The following ETFBKMT variants were observed in gnomAD, a reference collection of about 807,000 sequenced individuals.
ETFBKMT encodes electron transfer flavoprotein subunit beta lysine methyltransferase.
In ETFBKMT, 13 loss-of-function variants were observed where a neutral mutation model predicts 18.3. The ratio of observed to expected loss-of-function variants is 0.71; its 90% CI spans 0.46 to 1.13. ETFBKMT has a LOEUF of 1.13. ETFBKMT is among the 50% of genes most tolerant of loss of function. The pLI, the probability that ETFBKMT is intolerant of heterozygous loss-of-function variation, is 0.00. For missense variants in ETFBKMT, 293 were observed against 306.2 expected, an observed-to-expected ratio of 0.96 and a Z score of 0.32; for synonymous variants, 84 against 107.9, an observed-to-expected ratio of 0.78 and a Z score of 1.37.
chr12:31,661,297 G>T (rs987567339), intron 1 of ETFBKMT, among the ~76,000 whole-genome samples: 6 of 152,114 alleles, frequency 3.9e-5, no homozygotes, highest in Admixed American at 3.9e-4. Flanking sequence ...TTTTCTTGAG[G>T]ATTCTTTCAA....
At position 31,662,280 on chromosome 12, in the gene ETFBKMT, T is replaced by C; in HGVS notation, c.314+13T>C. The C allele has an allele frequency of 6.2e-7, 1 of 1,612,118 alleles. No individual in the cohort carries two copies. Among genetic ancestry groups the C allele is most frequent in the Non-Finnish European group, 8.5e-7 (1 of 1,178,796 alleles). Reference sequence around the variant, plus strand: ...AAGCCCTGTCTAGGTACTACCCTAATGAAACCTTTAAGGCGCTACAGATCT... The same window carrying C: ...AAGCCCTGTCTAGGTACTACCCTAACGAAACCTTTAAGGCGCTACAGATCT... On this transcript the variant is annotated intron_variant, in intron 2 of 3. Transcript: ENST00000357721.
At chr12:31,648,557 CTTTTTTTTTT>C (rs764501978) in intron 1 of ETFBKMT, among the ~76,000 whole-genome samples, 3 of 82,988 alleles carry the variant, frequency 3.6e-5, no homozygotes, top group African/African-American at 1.1e-4. Context: ...AGATGGGTTT[CTTTTTTTTTT>C]TTTTTTTTTT....
chr12:31,665,556 A>C (rs1162424081), intron 2 of ETFBKMT, among the ~76,000 whole-genome samples: 1 of 152,030 alleles, frequency 6.6e-6, no homozygotes, highest in Non-Finnish European at 1.5e-5. Context: ...GGGAGACCCT[A>C]ACCCAGTGAC....
Position 31,661,782 on chromosome 12 carries a change from G to T in ETFBKMT, c.-113-59G>T, listed in dbSNP as rs560113000. 2.5e-5 allele frequency: 16 copies of T among 648,790 alleles called. No homozygotes were observed. The South Asian group carries it at 2.8e-4, about 11-fold the overall frequency. The allele number at this position is 648,790 out of a possible 1,614,324, so 40.2% of individuals were successfully genotyped here. ...CCAATATTTTCTTATTATGTAATAG[G>T]ATCTAGAAATGTTGCTCTTCCTCAG... is the stretch of plus-strand genomic sequence containing the variant. On this transcript the variant is annotated intron_variant, in intron 1 of 3. Transcript: ENST00000357721.
At chr12:31,663,993 A>G (rs1951162946) in intron 2 of ETFBKMT, among the ~76,000 whole-genome samples, 1 of 148,370 alleles carries the variant, frequency 6.7e-6, no homozygotes, top group African/African-American at 2.5e-5. Context: ...CTCATTGCTT[A>G]CTCCCGTATC....
Position 31,667,684 on chromosome 12 carries a change from C to G in ETFBKMT, c.483C>G (p.Asn161Lys), listed in dbSNP as rs748689531. The change falls in exon 4 of 4, where the codon AAC becomes AAG. Residue 161 changes from asparagine (N) to lysine (K), a missense_variant. Transcript: ENST00000357721. ...CTATTACACTAAATTGTGAATTGAACAGACTGAATCCTTTTCCTATTTTAA... is the reference window on the plus strand; with the variant it reads ...CTATTACACTAAATTGTGAATTGAAGAGACTGAATCCTTTTCCTATTTTAA... ...GMAITLNCEL[N>K]RLNPFPILIQ... is the part of the protein sequence containing the mutation. 2 of 1,611,712 alleles carry G rather than the reference C, an allele frequency of 1.2e-6. No homozygotes were observed. The highest frequency in any genetic ancestry group is 2.2e-5 in the South Asian group (2 of 90,960).
upstream of ETFBKMT, among the ~76,000 whole-genome samples, chr12:31,656,031 G>A (rs1413139388): frequency 1.3e-5 from 2 of 152,160 alleles, no homozygotes; most frequent in African/African-American, 4.8e-5. Context: ...TGTAATGTTT[G>A]TTATTTTACT....
At chr12:31,662,347 G>A in intron 2 of ETFBKMT, 80 bp downstream of exon 2, 2 of 1,348,116 alleles carry the variant, frequency 1.5e-6, no homozygotes, top group Non-Finnish European at 2.0e-6. Flanking sequence ...AAAAACCAGA[G>A]CAATGCTAGG....
At chr12:31,648,850 C>T (rs1411469847) in intron 1 of ETFBKMT, among the ~76,000 whole-genome samples, 12 of 152,100 alleles carry the variant, frequency 7.9e-5, no homozygotes, top group Middle Eastern at 3.4e-3. Flanking sequence ...CGTGAGCCAC[C>T]GCGCCCAGCC....
intron 2 of ETFBKMT, among the ~76,000 whole-genome samples, chr12:31,664,920 A>G (rs1445137379): frequency 1.5e-5 from 2 of 133,654 alleles, no homozygotes; most frequent in South Asian, 4.7e-4. Context: ...GGCCATTTAT[A>G]CATTTCTTTT....
At position 31,661,978 on chromosome 12, in the gene ETFBKMT, G is replaced by T. The variant is rs1232640786; in HGVS notation, c.25G>T (p.Ala9Ser). MALSLGWK[A>S]HRNHCGLLLQ... is the part of the protein sequence containing the mutation. ...GATGGCTTTGAGTCTAGGTTGGAAA[G>T]CACACAGGAACCACTGTGGTCTCCT... The change falls in exon 2 of 4, where the codon GCA (alanine) becomes TCA (serine). Residue 9 changes from alanine to serine, a missense_variant. Coordinates refer to ENST00000357721, the MANE Select transcript of ETFBKMT (RefSeq NM_001135863.2). 6.2e-7 allele frequency: 1 copy of T among 1,613,960 alleles called. No individual in the cohort carries two copies. The highest frequency in any genetic ancestry group is 8.5e-7 in the Non-Finnish European group (1 of 1,179,970).
At chr12:31,661,805 C>A in intron 1 of ETFBKMT, 36 bp from the exon 2 acceptor site, 1 of 724,278 alleles carries the variant, frequency 1.4e-6, no homozygotes, top group Admixed American at 2.7e-5. Context: ...TGCTCTTCCT[C>A]AGAATTCTCA....
At position 31,669,742 on chromosome 12, in the gene ETFBKMT, GA is replaced by G. The variant is rs1252974097; in HGVS notation, c.*1754del. The G allele has an allele frequency of 1.3e-5, 2 of 151,924 alleles. No individual in the cohort carries two copies. Among genetic ancestry groups the G allele is most frequent in the African/African-American group, 2.4e-5 (1 of 41,362 alleles). 9.4% of individuals were successfully genotyped at this position (151,924 alleles called of 1,614,324 possible). ...GTGAATTGGGCAGCTCCCAAAAGCAGAATAGGTTCAGAGTGACTGCAGGGTT... is the reference window on the plus strand; with the variant it reads ...GTGAATTGGGCAGCTCCCAAAAGCAGATAGGTTCAGAGTGACTGCAGGGTT... On this transcript the variant is annotated 3_prime_UTR_variant, in exon 4 of 4. Coordinates refer to ENST00000357721, the MANE Select transcript of ETFBKMT (RefSeq NM_001135863.2).
At chr12:31,654,209 C>T (rs983771120), upstream of ETFBKMT, among the ~76,000 whole-genome samples, 10 of 152,148 alleles carry the variant, frequency 6.6e-5, no homozygotes, top group African/African-American at 2.4e-4. Flanking sequence ...GCCACCATGT[C>T]CGACTAATTT....
At chr12:31,649,315 A>G (rs115887275) in intron 1 of ETFBKMT, among the ~76,000 whole-genome samples, 2,160 of 152,332 alleles carry the variant, frequency 0.014, 56 homozygotes, top group African/African-American at 0.049. Flanking sequence ...CAGAGGTCTG[A>G]CTGTACTTAT....
chr12:31,659,472 C>T (rs1304758877), upstream of ETFBKMT: 1 of 152,326 alleles, frequency 6.6e-6, no homozygotes, highest in Admixed American at 6.5e-5. Context: ...TCTTTTCATC[C>T]CATCAGCTCT....
Position 31,668,992 on chromosome 12 carries a change from T to C in ETFBKMT, c.*1002T>C, listed in dbSNP as rs949717577. 6.6e-6 allele frequency: 1 copy of C among 152,238 alleles called. No homozygotes were observed. Among genetic ancestry groups the C allele is most frequent in the African/African-American group, 2.4e-5 (1 of 41,464 alleles). The allele number at this position is 152,238 out of a possible 1,614,324, so 9.4% of individuals were successfully genotyped here. On this transcript the variant is annotated 3_prime_UTR_variant, in exon 4 of 4. Coordinates refer to ENST00000357721, the MANE Select transcript of ETFBKMT (RefSeq NM_001135863.2). ...AGTCTGGTTCTGATGCTTGTTTTCT[T>C]TTCAGACTGTTTTTTTGTCTTTTAG...
chr12:31,661,311 C>T (rs1238109122), intron 1 of ETFBKMT, among the ~76,000 whole-genome samples: 1 of 152,086 alleles, frequency 6.6e-6, no homozygotes, highest in African/African-American at 2.4e-5. Flanking sequence ...CTTTCAAAAT[C>T]AAATGCTTGT....
chr12:31,648,447 C>T (rs1191058274), intron 1 of ETFBKMT, among the ~76,000 whole-genome samples: 4 of 150,998 alleles, frequency 2.6e-5, no homozygotes, highest in Admixed American at 1.3e-4. Context: ...CTGCAACCTC[C>T]GCCTCCCAGG....
Sources: gnomAD v4.1 joint callset for allele counts (sites outside exome capture counted in the v4.1 genomes callset) on GRCh38, gnomAD v4.1.1 for gene constraint, MANE v1.5 for transcripts, NCBI Gene and HGNC (gene_info 2026-07-23, HGNC 2026-07-21) for gene names.